NR3C1: variants seen among roughly 807,000 people sequenced by gnomAD.
NR3C1 encodes glucocorticoid receptor.
A neutral mutation model predicts 74.0 loss-of-function variants in NR3C1; 14 were observed. That is an observed-to-expected ratio of 0.19 (90% CI 0.12 to 0.30). The LOEUF (loss-of-function observed/expected upper bound fraction) is 0.30, where lower values mean the gene tolerates loss of function less well. NR3C1 is among the 10% of genes least tolerant of loss of function. The pLI is 1.00. For synonymous variants in NR3C1, 308 were observed against 332.5 expected (o/e 0.93, Z 0.80); for missense variants, 695 against 909.8 (o/e 0.76, Z 3.04).
chr5:143,280,488 GTT>G lies in NR3C1; in HGVS notation c.*1399_*1400del, dbSNP rs1302913861. On this transcript the variant is annotated 3_prime_UTR_variant, in exon 9 of 9. Transcript: ENST00000394464. The stretch of plus-strand genomic sequence containing the variant: ...GCTTAGTAAATATGTTAAGTTTTGA[GTT>G]TACAGAAAGTTGGTAAGGTGCACAC... 1.3e-5 allele frequency: 2 copies of G among 152,556 alleles called. No individual in the cohort carries two copies. Among genetic ancestry groups the G allele is most frequent in the Non-Finnish European group, 2.9e-5 (2 of 68,012 alleles). 9.5% of individuals were successfully genotyped at this position (152,556 alleles called of 1,614,324 possible).
rs1819853404 is a variant in NR3C1, at chr5:143,307,341, G to T, written c.1468+2756C>A. On this transcript the variant is annotated intron_variant, in intron 4 of 8. Transcript: ENST00000394464. The stretch of plus-strand genomic sequence containing the variant: ...TCTTCTAGTACAGTAAGGGCAAAGG[G>T]CACTGCAATTGCTATTAAACTGTAA... Among the ~76,000 whole-genome samples the T allele has an allele frequency of 2.6e-5, 4 of 152,156 alleles. No individual in the cohort carries two copies. The South Asian group carries it at 8.3e-4, about 32-fold the overall frequency.
chr5:143,347,427 T>G lies in NR3C1; in HGVS notation c.1185-33259A>C, dbSNP rs1032488257. 3.3e-5 allele frequency among the ~76,000 whole-genome samples: 5 copies of G among 152,290 alleles called. No individual in the cohort carries two copies. The Middle Eastern group carries it at 0.017, about 518-fold the overall frequency. ...TATTTCTAGGCCTCAACTCTAATGTTAGTTATTTTTTTACAGGGCATCACA... is the reference window on the plus strand; with the variant it reads ...TATTTCTAGGCCTCAACTCTAATGTGAGTTATTTTTTTACAGGGCATCACA... On this transcript the variant is annotated intron_variant, in intron 2 of 8. Transcript: ENST00000394464.
In NR3C1 at chr5:143,281,768, AAAC is replaced by A. The variant is rs1281449743; in HGVS notation, c.*118_*120del. The A allele has an allele frequency of 1.5e-5, 17 of 1,156,798 alleles. No individual in the cohort carries two copies. Among genetic ancestry groups the A allele is most frequent in the South Asian group, 6.7e-5 (5 of 74,254 alleles). The allele number at this position is 1,156,798 out of a possible 1,614,324, so 71.7% of individuals were successfully genotyped here. A position where few individuals can be genotyped will look rare whatever the true frequency, so the allele number is the denominator to read the frequency against. On this transcript the variant is annotated 3_prime_UTR_variant, in exon 9 of 9. Transcript: ENST00000394464. The stretch of plus-strand genomic sequence containing the variant: ...CCACATGTAGTGCGTATTTAAAACA[AAAC>A]AACAGATGAAAACAATAAAAAATAA...
intron 4 of NR3C1, among the ~76,000 whole-genome samples, chr5:143,309,126 T>C (rs1392110171): frequency 2.0e-5 from 3 of 149,122 alleles, no homozygotes; most frequent in African/African-American, 7.4e-5. Flanking sequence ...CAAGCTGGAG[T>C]ACAGTGGTGT....
At chr5:143,293,958 T>C (rs946534107) in intron 7 of NR3C1, 2 of 985,056 alleles carry the variant, frequency 2.0e-6, no homozygotes, top group African/African-American at 3.5e-5. Flanking sequence ...CAGAATTTTA[T>C]GTAACTGCTT....
At chr5:143,390,165 A>G (rs935307893) in intron 2 of NR3C1, among the ~76,000 whole-genome samples, 1 of 152,196 alleles carries the variant, frequency 6.6e-6, no homozygotes, top group Non-Finnish European at 1.5e-5. Context: ...AGTAAACATG[A>G]CTAAATTTAG....
rs536569568 is a variant in NR3C1, at chr5:143,353,606, T to A, written c.1185-39438A>T. Reference sequence around the variant, plus strand: ...CTCTTGGGTGAGCCCAGGTGCACTGTCAATGAACAGCAATATTTTGAAAGT... The same window carrying A: ...CTCTTGGGTGAGCCCAGGTGCACTGACAATGAACAGCAATATTTTGAAAGT... On this transcript the variant is annotated intron_variant, in intron 2 of 8. Transcript: ENST00000394464. Among the ~76,000 whole-genome samples, 11 of 152,318 alleles carry A rather than the reference T, an allele frequency of 7.2e-5. No individual in the cohort carries two copies. The South Asian group carries it at 2.3e-3, about 32-fold the overall frequency.
chr5:143,358,020 T>C (rs1402049753), intron 2 of NR3C1, among the ~76,000 whole-genome samples: 2 of 152,244 alleles, frequency 1.3e-5, no homozygotes, highest in African/African-American at 4.8e-5. Flanking sequence ...AAACGATAGT[T>C]CTTTCATCTG....
At chr5:143,282,965 G>C (rs1041133296) in intron 7 of NR3C1, among the ~76,000 whole-genome samples, 1 of 151,628 alleles carries the variant, frequency 6.6e-6, no homozygotes. Flanking sequence ...TAGCTCACTG[G>C]AGCCTTGACC....
chr5:143,281,639 T>A lies in NR3C1; in HGVS notation c.*250A>T. On this transcript the variant is annotated 3_prime_UTR_variant, in exon 9 of 9. Transcript: ENST00000394464. ...TACGTCCACATATTAAGGTTTCTAATTTCTGGGATATATTAACTAATAAAT... is the reference window on the plus strand; with the variant it reads ...TACGTCCACATATTAAGGTTTCTAAATTCTGGGATATATTAACTAATAAAT... The A allele has an allele frequency of 1.1e-5, 5 of 435,834 alleles. 1 individual carries two copies. Among genetic ancestry groups the A allele is most frequent in the South Asian group, 1.1e-4 (5 of 43,770 alleles). 27.0% of individuals were successfully genotyped at this position (435,834 alleles called of 1,614,324 possible).
At chr5:143,286,014 G>A (rs956304049) in intron 7 of NR3C1, among the ~76,000 whole-genome samples, 5 of 148,978 alleles carry the variant, frequency 3.4e-5, no homozygotes, top group East Asian at 1.9e-4. Context: ...TACCAATGTC[G>A]GGAATGAAAG....
At chr5:143,424,154 T>C (rs1751402266) in intron 1 of NR3C1, among the ~76,000 whole-genome samples, 1 of 151,948 alleles carries the variant, frequency 6.6e-6, no homozygotes, top group Non-Finnish European at 1.5e-5. Context: ...ATGGCACATG[T>C]ATACATATGT....
intron 7 of NR3C1, among the ~76,000 whole-genome samples, chr5:143,286,082 A>AACTT (rs1814398793): frequency 1.3e-5 from 2 of 152,084 alleles, no homozygotes; most frequent in African/African-American, 2.4e-5. Context: ...TATTATGAAT[A>AACTT]ACTTAACTTT....
In NR3C1 at chr5:143,400,242, A is replaced by G. The variant is rs1386648987; in HGVS notation, c.598T>C (p.Ser200Pro). 2 of 1,598,320 alleles carry G rather than the reference A, an allele frequency of 1.3e-6. No individual in the cohort carries two copies. Among genetic ancestry groups the G allele is most frequent in the Non-Finnish European group, 1.7e-6 (2 of 1,173,556 alleles). The stretch of plus-strand genomic sequence containing the variant: ...GTCTCTTTACCTGGGGACCCAGAAG[A>G]AAACTCCAAATCCTGCAAAATGTCA... ...TFDILQDLEF[S>P]SGSPGKETNE... Residue 200 changes from serine to proline, a missense_variant, in exon 2 of 9, where the codon TCT becomes CCT. Coordinates refer to ENST00000394464, the MANE Select transcript of NR3C1 (RefSeq NM_000176.3).
chr5:143,360,367 T>C (rs559138763), intron 2 of NR3C1, among the ~76,000 whole-genome samples: 1 of 152,360 alleles, frequency 6.6e-6, no homozygotes, highest in Middle Eastern at 3.4e-3. Flanking sequence ...ATCAAGCTTT[T>C]CTAAATTTAT....
At chr5:143,283,760 G>A (rs1420922874) in intron 7 of NR3C1, among the ~76,000 whole-genome samples, 1 of 152,116 alleles carries the variant, frequency 6.6e-6, no homozygotes, top group East Asian at 1.9e-4. Flanking sequence ...GTTAATCATG[G>A]TTTCACTTAA....
At chr5:143,384,005 ATTGACTTACAG>A (rs1318917799) in intron 2 of NR3C1, among the ~76,000 whole-genome samples, 1 of 152,242 alleles carries the variant, frequency 6.6e-6, no homozygotes, top group East Asian at 1.9e-4. Context: ...CAGAGACTTA[ATTGACTTACAG>A]TTCCACAGGC....
intron 2 of NR3C1, 103 bp downstream of exon 2, chr5:143,399,553 G>T: frequency 1.1e-6 from 1 of 930,894 alleles, no homozygotes; most frequent in Non-Finnish European, 1.7e-6. Flanking sequence ...ATATAAAAAA[G>T]CACATGAATC....
chr5:143,329,363 C>T (rs1825404531), intron 2 of NR3C1, among the ~76,000 whole-genome samples: 1 of 152,140 alleles, frequency 6.6e-6, no homozygotes. Flanking sequence ...ATGGGGATTA[C>T]AATTCAAGAT....
Sources: allele counts gnomAD v4.1 joint callset (sites outside exome capture counted in the v4.1 genomes callset), GRCh38; gene constraint gnomAD v4.1.1; transcripts MANE v1.5; gene names NCBI Gene and HGNC (gene_info 2026-07-23, HGNC 2026-07-21).